C1QBP: variants seen among roughly 807,000 people sequenced by gnomAD.
C1QBP encodes complement component 1 Q subcomponent-binding protein, mitochondrial.
In C1QBP, 24 loss-of-function variants were observed where a neutral mutation model predicts 29.4. That is an observed-to-expected ratio of 0.82 (90% CI 0.59 to 1.15). The LOEUF is 1.15. C1QBP is among the 50% of genes most tolerant of loss of function. C1QBP has a pLI of 0.00. For synonymous variants in C1QBP, 182 were observed against 149.2 expected (o/e 1.22, Z -1.60); for missense variants, 337 against 355.8 (o/e 0.95, Z 0.43).
At chr17:5,435,220 A>G (rs944507779) in intron 2 of C1QBP, among the ~76,000 whole-genome samples, 2 of 152,188 alleles carry the variant, frequency 1.3e-5, no homozygotes, top group Non-Finnish European at 2.9e-5. Flanking sequence ...GCCTCAGTTT[A>G]TCTCAGCCAA....
At chr17:5,435,874 CAAAAAAAA>C (rs200057698) in intron 2 of C1QBP, among the ~76,000 whole-genome samples, 20 of 105,670 alleles carry the variant, frequency 1.9e-4, no homozygotes, top group African/African-American at 7.7e-4. Flanking sequence ...CTAAAAAATA[CAAAAAAAA>C]AAAAAAAAAA....
At chr17:5,438,649 C>A (rs1916337921) in intron 1 of C1QBP, 193 bp downstream of exon 1, 4 of 1,180,420 alleles carry the variant, frequency 3.4e-6, no homozygotes, top group Non-Finnish European at 4.7e-6. Flanking sequence ...ATTTTATTCA[C>A]CCCCTACCAA....
In C1QBP at chr17:5,438,114, A is replaced by T. The variant is rs1916323919; in HGVS notation, c.383+9T>A. 1.9e-6 allele frequency: 3 copies of T among 1,611,748 alleles called. No homozygotes were observed. Among genetic ancestry groups the T allele is most frequent in the Non-Finnish European group, 2.5e-6 (3 of 1,179,734 alleles). On this transcript the variant is annotated intron_variant, in intron 2 of 5. Transcript: ENST00000225698. ...GTTGCTGCCCTGGGATCCCCAGACC[A>T]GTACTTACTTTTCCCCGGCAACTTT...
chr17:5,432,836 A>C lies in C1QBP; in HGVS notation c.*179T>G, dbSNP rs934462107. On this transcript the variant is annotated 3_prime_UTR_variant, in exon 6 of 6. Coordinates refer to ENST00000225698, the MANE Select transcript of C1QBP (RefSeq NM_001212.4). ...TTATACAAAAATCTAGAAATAATAGATTTGTACAGAAAAAAATGATAATAA... is the reference window on the plus strand; with the variant it reads ...TTATACAAAAATCTAGAAATAATAGCTTTGTACAGAAAAAAATGATAATAA... 2 of 927,688 alleles carry C rather than the reference A, an allele frequency of 2.2e-6. No homozygotes were observed. Among genetic ancestry groups the C allele is most frequent in the Non-Finnish European group, 3.1e-6 (2 of 650,546 alleles). 57.5% of individuals were successfully genotyped at this position (927,688 alleles called of 1,614,324 possible).
rs770210215 is a variant in C1QBP, at chr17:5,433,695, A to G, written c.550T>C (p.Leu184=). The G allele has an allele frequency of 6.2e-7, 1 of 1,614,268 alleles. No homozygotes were observed. Among genetic ancestry groups the G allele is most frequent in the East Asian group, 2.2e-5 (1 of 44,894 alleles). ...KNDDGKKALV[L]DCHYPEDEVG... ...TCATCCTCTGGATAATGACAGTCCAACACAAGGGCCTTCTTGCCATCATCA... is the reference window on the plus strand; with the variant it reads ...TCATCCTCTGGATAATGACAGTCCAGCACAAGGGCCTTCTTGCCATCATCA... The change falls in exon 4 of 6, where the codon TTG becomes CTG. Residue 184 remains leucine, a synonymous_variant. Transcript: ENST00000225698.
At position 5,435,917 on chromosome 17, in the gene C1QBP, G is replaced by A. The variant is rs1333223921; in HGVS notation, c.384-951C>T. On this transcript the variant is annotated intron_variant, in intron 2 of 5. Coordinates refer to ENST00000225698, the MANE Select transcript of C1QBP (RefSeq NM_001212.4). ...AAAAATTAGCTGGGCGTGGTGGTAC[G>A]CGCCTGTAATCCCAGCTACTCAGGA... is the stretch of plus-strand genomic sequence containing the variant. 3.4e-5 allele frequency among the ~76,000 whole-genome samples: 5 copies of A among 148,678 alleles called. 1 individual carries two copies. The highest frequency in any genetic ancestry group is 5.1e-5 in the African/African-American group (2 of 39,320).
chr17:5,436,961 C>T (rs1022125601), intron 2 of C1QBP, among the ~76,000 whole-genome samples: 1 of 152,106 alleles, frequency 6.6e-6, no homozygotes, highest in African/African-American at 2.4e-5. Flanking sequence ...GAGCCAAGAT[C>T]GCACCACTGC....
chr17:5,432,838 T>A lies in C1QBP; in HGVS notation c.*177A>T. On this transcript the variant is annotated 3_prime_UTR_variant, in exon 6 of 6. Transcript: ENST00000225698. ...ATACAAAAATCTAGAAATAATAGAT[T>A]TGTACAGAAAAAAATGATAATAAAT... The A allele has an allele frequency of 4.3e-6, 4 of 932,290 alleles. No homozygotes were observed. Among genetic ancestry groups the A allele is most frequent in the Non-Finnish European group, 6.1e-6 (4 of 654,882 alleles). The allele number at this position is 932,290 out of a possible 1,614,324, so 57.8% of individuals were successfully genotyped here. A position where few individuals can be genotyped will look rare whatever the true frequency, so the allele number is the denominator to read the frequency against.
At chr17:5,435,080 A>G (rs1916235167) in intron 2 of C1QBP, 114 bp from the exon 3 acceptor site, 4 of 922,520 alleles carry the variant, frequency 4.3e-6, no homozygotes, top group African/African-American at 1.6e-5. Flanking sequence ...TATTGAAACA[A>G]TGTCTCTGTC....
intron 2 of C1QBP, among the ~76,000 whole-genome samples, chr17:5,437,068 TC>T (rs79568310): frequency 0.58 from 87,218 of 151,532 alleles, 25,981 homozygotes; most frequent in East Asian, 0.82. Flanking sequence ...AAAGAGGCAA[TC>T]CCATAGAGAA....
rs2151675515 is a variant in C1QBP at position 5,432,922 on chromosome 17, T to C, written c.*93A>G. ...TTTTTCCCCCATGATATTAGGATGA[T>C]AATCATTTCAAAGCACATGTCTAGC... On this transcript the variant is annotated 3_prime_UTR_variant, in exon 6 of 6. Coordinates refer to ENST00000225698, the MANE Select transcript of C1QBP (RefSeq NM_001212.4). 1 of 1,406,172 alleles carries C rather than the reference T, an allele frequency of 7.1e-7. No individual in the cohort carries two copies. Among genetic ancestry groups the C allele is most frequent in the Non-Finnish European group, 9.6e-7 (1 of 1,041,868 alleles). The allele number at this position is 1,406,172 out of a possible 1,614,324, so 87.1% of individuals were successfully genotyped here.
chr17:5,434,803 C>T (rs569933383), intron 3 of C1QBP, 70 bp downstream of exon 3: 72 of 1,377,386 alleles, frequency 5.2e-5, no homozygotes, highest in South Asian at 1.9e-4. Flanking sequence ...CAAAGAAAAA[C>T]GCTCCTCCTC....
At chr17:5,437,073 T>C (rs906883434) in intron 2 of C1QBP, among the ~76,000 whole-genome samples, 5 of 151,580 alleles carry the variant, frequency 3.3e-5, no homozygotes, top group Admixed American at 1.3e-4. Flanking sequence ...GGCAATCCCA[T>C]AGAGAAAGTA....
intron 1 of C1QBP, 136 bp downstream of exon 1, chr17:5,438,706 T>C (rs1472087675): frequency 2.0e-6 from 3 of 1,530,020 alleles, no homozygotes; most frequent in Non-Finnish European, 2.6e-6. Flanking sequence ...AATATGATCA[T>C]ACGTGGGTTT....
chr17:5,433,306 T>C lies in C1QBP; in HGVS notation c.686A>G (p.Asp229Gly). Residue 229 changes from aspartate (D) to glycine (G), a missense_variant, in exon 5 of 6, where the codon GAT becomes GGT. Asp to Gly is a moderately conservative substitution (Grantham distance 94). Transcript: ENST00000225698. ...WKDTNYTLNT[D>G]SLDWALYDHL... ...TCAAGCACTCACCCAGTCCAAGGAA[T>C]CTGTGTTGAGTGTATAATTAGTATC... is the stretch of plus-strand genomic sequence containing the variant. The C allele has an allele frequency of 6.2e-7, 1 of 1,614,166 alleles. No homozygotes were observed. The highest frequency in any genetic ancestry group is 8.5e-7 in the Non-Finnish European group (1 of 1,180,030).
At chr17:5,438,773 G>A (rs1916341742) in intron 1 of C1QBP, 69 bp downstream of exon 1, 2 of 1,543,950 alleles carry the variant, frequency 1.3e-6, no homozygotes, top group Admixed American at 3.9e-5. Context: ...GTCGGTTGCA[G>A]GCCCTATTCC....
At chr17:5,435,691 C>A (rs1170666420) in intron 2 of C1QBP, among the ~76,000 whole-genome samples, 1 of 151,880 alleles carries the variant, frequency 6.6e-6, no homozygotes, top group Admixed American at 6.6e-5. Context: ...GGTTTAGAAC[C>A]AAAACTGCTG....
At position 5,434,454 on chromosome 17, in the gene C1QBP, T is replaced by TTC. The variant is rs199877383; in HGVS notation, c.477+417_477+418dup. On this transcript the variant is annotated intron_variant, in intron 3 of 5. Transcript: ENST00000225698. ...GTTAAAGTCTCTTATGCCCCTGCCA[T>TTC]TCTCTCTCTCTTTTTTTTTTTTTTT... Among the ~76,000 whole-genome samples the TTC allele has an allele frequency of 3.8e-4, 54 of 142,368 alleles. 2 individuals are homozygous for TTC. The highest frequency in any genetic ancestry group is 2.3e-3 in the Admixed American group (33 of 14,134). The allele number at this position is 142,368 out of a possible 152,430, so 93.4% of individuals were successfully genotyped here.
chr17:5,438,943 C>T lies in C1QBP; in HGVS notation c.131G>A (p.Gly44Glu). 1.3e-6 allele frequency: 2 copies of T among 1,524,580 alleles called. No homozygotes were observed. The highest frequency in any genetic ancestry group is 1.8e-6 in the Non-Finnish European group (2 of 1,136,842). 94.4% of individuals were successfully genotyped at this position (1,524,580 alleles called of 1,614,324 possible). A position where few individuals can be genotyped will look rare whatever the true frequency, so the allele number is the denominator to read the frequency against. The change falls in exon 1 of 6, where the codon GGG becomes GAG. Residue 44 changes from glycine to glutamate, a missense_variant. Coordinates refer to ENST00000225698, the MANE Select transcript of C1QBP (RefSeq NM_001212.4). ...PAPRLCTRPF[G>E]LLSVRAGSER... ...GGAACCTGCGCGCACGCTGAGCAGCCCGAAGGGCCGGGTGCACAGCCGGGG... is the reference window on the plus strand; with the variant it reads ...GGAACCTGCGCGCACGCTGAGCAGCTCGAAGGGCCGGGTGCACAGCCGGGG...
Sources: allele counts gnomAD v4.1 joint callset (sites outside exome capture counted in the v4.1 genomes callset), GRCh38; gene constraint gnomAD v4.1.1; transcripts MANE v1.5; gene names NCBI Gene and HGNC (gene_info 2026-07-23, HGNC 2026-07-21).